SLCO1B3: variants seen among roughly 807,000 people sequenced by gnomAD.
SLCO1B3 encodes solute carrier organic anion transporter family member 1B3.
A neutral mutation model predicts 71.8 loss-of-function variants in SLCO1B3; 72 were observed. The ratio of observed to expected loss-of-function variants is 1.00; its 90% CI spans 0.83 to 1.22. SLCO1B3 has a LOEUF of 1.22. Among genes scored for constraint, SLCO1B3 ranks in the 50% most tolerant of loss-of-function variants. The probability of loss-of-function intolerance (pLI) is 0.00; values close to 1 mark genes in which losing one functional copy is unlikely to be tolerated. For synonymous variants in SLCO1B3, 298 were observed against 278.4 expected (o/e 1.07, Z -0.70); for missense variants, 911 against 819.7 (o/e 1.11, Z -1.36).
At chr12:20,829,502 T>G (rs1244971885) in intron 3 of SLCO1B3, among the ~76,000 whole-genome samples, 1 of 152,148 alleles carries the variant, frequency 6.6e-6, no homozygotes, top group African/African-American at 2.4e-5. Context: ...AAATAAATCT[T>G]AGATCTTAAC....
intron 15 of SLCO1B3, among the ~76,000 whole-genome samples, chr12:20,912,074 A>C (rs1052025121): frequency 6.6e-6 from 1 of 152,142 alleles, no homozygotes; most frequent in Admixed American, 6.5e-5. Context: ...CATCCATAAC[A>C]TTTGATGTTA....
At chr12:20,883,875 A>C (rs1198371179) in intron 13 of SLCO1B3, among the ~76,000 whole-genome samples, 1 of 152,134 alleles carries the variant, frequency 6.6e-6, no homozygotes, top group African/African-American at 2.4e-5. Flanking sequence ...TGATTGTAGG[A>C]GAATCTTTGT....
At chr12:20,867,087 T>C (rs1328107033) in intron 8 of SLCO1B3, among the ~76,000 whole-genome samples, 5 of 152,100 alleles carry the variant, frequency 3.3e-5, no homozygotes, top group Admixed American at 2.0e-4. Flanking sequence ...ATCCAGAACC[T>C]CATGAGTTGA....
At chr12:20,885,359 A>T (rs1865773370) in intron 13 of SLCO1B3, among the ~76,000 whole-genome samples, 1 of 152,172 alleles carries the variant, frequency 6.6e-6, no homozygotes. Context: ...TGTCAGCCAC[A>T]AATCCATGCA....
At chr12:20,867,520 A>G (rs564910852) in intron 8 of SLCO1B3, among the ~76,000 whole-genome samples, 18 of 152,294 alleles carry the variant, frequency 1.2e-4, no homozygotes, top group Admixed American at 1.1e-3. Context: ...AGGAATTAAC[A>G]GAAGACAACT....
Position 20,898,488 on chromosome 12 carries a change from A to C in SLCO1B3, c.1735A>C (p.Ile579Leu). The C allele has an allele frequency of 6.4e-7, 1 of 1,558,572 alleles. No homozygotes were observed. The highest frequency in any genetic ancestry group is 1.1e-5 in the South Asian group (1 of 88,634). The part of the protein sequence containing the change: ...ALAMGFQSMV[I>L]RTLGGILAPI... ...TGCAATGGGTTTCCAGTCAATGGTT[A>C]TAAGAACACTAGGTATGACAAATAT... The change falls in exon 14 of 16, where the codon ATA becomes CTA. Residue 579 changes from isoleucine (I) to leucine (L), a missense_variant. Coordinates refer to ENST00000381545, the MANE Select transcript of SLCO1B3 (RefSeq NM_019844.4).
At chr12:20,845,400 C>T (rs74065203) in intron 3 of SLCO1B3, 3,133 of 193,080 alleles carry the variant, frequency 0.016, 113 homozygotes, top group African/African-American at 0.07. Context: ...GGACTCTCAT[C>T]CCAAGACCTA....
intron 3 of SLCO1B3, among the ~76,000 whole-genome samples, chr12:20,822,030 GCCGC>G (rs1463021671): frequency 6.6e-6 from 1 of 152,214 alleles, no homozygotes; most frequent in Non-Finnish European, 1.5e-5. Flanking sequence ...GTAAAAAGAG[GCCGC>G]TTACCGGATT....
At chr12:20,858,024 T>G (rs558798281) in intron 4 of SLCO1B3, among the ~76,000 whole-genome samples, 1 of 152,296 alleles carries the variant, frequency 6.6e-6, no homozygotes, top group Non-Finnish European at 1.5e-5. Flanking sequence ...ACCACGATTT[T>G]TTTTTATATT....
intron 3 of SLCO1B3, among the ~76,000 whole-genome samples, chr12:20,826,766 C>T (rs1447623058): frequency 1.3e-5 from 2 of 151,860 alleles, no homozygotes; most frequent in African/African-American, 2.4e-5. Context: ...CCTCTTTATA[C>T]CTACAACTTT....
intron 15 of SLCO1B3, among the ~76,000 whole-genome samples, chr12:20,903,073 C>CAAA (rs55777703): frequency 0.54 from 69,113 of 128,090 alleles, 21,701 homozygotes; most frequent in South Asian, 0.81. Context: ...GATTCCATCT[C>CAAA]AAAAAAAAAA....
chr12:20,909,925 A>C (rs78001258), intron 15 of SLCO1B3, among the ~76,000 whole-genome samples: 6,671 of 152,266 alleles, frequency 0.044, 190 homozygotes, highest in East Asian at 0.12. Flanking sequence ...CCTGTCTTCC[A>C]AACCTGGAAT....
intron 15 of SLCO1B3, among the ~76,000 whole-genome samples, chr12:20,914,166 C>T (rs1465526087): frequency 2.0e-5 from 3 of 152,086 alleles, no homozygotes; most frequent in Non-Finnish European, 4.4e-5. Flanking sequence ...TTTCTATTTG[C>T]TCTCCTTGTT....
At position 20,916,335 on chromosome 12, in the gene SLCO1B3, A is replaced by G; in HGVS notation, c.*88A>G. 3 of 1,268,504 alleles carry G rather than the reference A, an allele frequency of 2.4e-6. No individual in the cohort carries two copies. The highest frequency in any genetic ancestry group is 2.0e-5 in the Admixed American group (1 of 50,782). 78.6% of individuals were successfully genotyped at this position (1,268,504 alleles called of 1,614,324 possible). A position where few individuals can be genotyped will look rare whatever the true frequency, so the allele number is the denominator to read the frequency against. The stretch of plus-strand genomic sequence containing the variant: ...AACATTCTTTACTTACAGTGGACCA[A>G]TGGATAAGTCTATGCATCTATAATA... On this transcript the variant is annotated 3_prime_UTR_variant, in exon 16 of 16. Transcript: ENST00000381545.
At chr12:20,879,205 C>CTTTTTTTTTTT (rs4149166) in intron 10 of SLCO1B3, among the ~76,000 whole-genome samples, 14 of 95,198 alleles carry the variant, frequency 1.5e-4, no homozygotes, top group Non-Finnish European at 2.6e-4. Flanking sequence ...ACCCTTCTCT[C>CTTTTTTTTTTT]TTTTTTTTTT....
intron 15 of SLCO1B3, among the ~76,000 whole-genome samples, chr12:20,914,340 C>G (rs9651814): frequency 0.031 from 4,652 of 152,046 alleles, 199 homozygotes; most frequent in East Asian, 0.099. Flanking sequence ...TAGAACTAAT[C>G]CAAGTTTATA....
At chr12:20,815,569 A>G (rs1397312509) in intron 2 of SLCO1B3, 105 bp from the exon 3 acceptor site, 2 of 531,046 alleles carry the variant, frequency 3.8e-6, no homozygotes, top group Middle Eastern at 5.2e-4. Flanking sequence ...CCCTGAATGA[A>G]TATTAGAGAA....
chr12:20,885,709 T>C (rs1022325007), intron 13 of SLCO1B3, among the ~76,000 whole-genome samples: 1 of 151,840 alleles, frequency 6.6e-6, no homozygotes, highest in Non-Finnish European at 1.5e-5. Flanking sequence ...GGGTGGAGCA[T>C]ACTTGATACA....
chr12:20,888,065 A>G (rs1226546888), intron 13 of SLCO1B3, among the ~76,000 whole-genome samples: 3 of 152,026 alleles, frequency 2.0e-5, no homozygotes, highest in South Asian at 2.1e-4. Flanking sequence ...TGGCTTCTCC[A>G]TTCTGTTCCA....
Sources: gnomAD v4.1 joint callset for allele counts (sites outside exome capture counted in the v4.1 genomes callset) on GRCh38, gnomAD v4.1.1 for gene constraint, MANE v1.5 for transcripts, NCBI Gene and HGNC (gene_info 2026-07-23, HGNC 2026-07-21) for gene names.